Variants in FRY observed in about 807,000 individuals in gnomAD.
FRY encodes the protein protein furry homolog.
Under a neutral mutation model 348.4 loss-of-function variants are expected in FRY, and 128 were observed. The ratio of observed to expected loss-of-function variants is 0.37; its 90% CI spans 0.32 to 0.43. The LOEUF is 0.43. Among genes scored for constraint, FRY ranks in the 20% least tolerant of loss-of-function variants. The probability of loss-of-function intolerance (pLI) is 1.00; values close to 1 mark genes in which losing one functional copy is unlikely to be tolerated. For synonymous variants in FRY, 1,370 were observed against 1,374.7 expected (o/e 1.00, Z 0.08); for missense variants, 2,736 against 3,695.2 (o/e 0.74, Z 6.73).
chr13:32,245,150 A>G (rs1419266105), intron 47 of FRY, among the ~76,000 whole-genome samples: 2 of 151,960 alleles, frequency 1.3e-5, no homozygotes, highest in African/African-American at 2.4e-5. Context: ...GGGTTTCACC[A>G]TATTGGCCAG....
At chr13:32,198,924 T>G (rs1883846394) in intron 29 of FRY, among the ~76,000 whole-genome samples, 1 of 152,222 alleles carries the variant, frequency 6.6e-6, no homozygotes, top group South Asian at 2.1e-4. Flanking sequence ...GCATGACCTC[T>G]CTATGAATTT....
chr13:32,107,535 G>A (rs57193404), intron 3 of FRY, among the ~76,000 whole-genome samples: 2 of 152,282 alleles, frequency 1.3e-5, no homozygotes, highest in African/African-American at 4.8e-5. Flanking sequence ...AGGAATATGA[G>A]TTTTTTTCCA....
Position 32,227,844 on chromosome 13 carries a change from C to T in FRY, c.5207-612C>T, listed in dbSNP as rs1015620247. 1.3e-4 allele frequency among the ~76,000 whole-genome samples: 19 copies of T among 151,822 alleles called. No homozygotes were observed. The East Asian group carries it at 1.5e-3, about 12-fold the overall frequency. On this transcript the variant is annotated intron_variant, in intron 39 of 60. Coordinates refer to ENST00000542859, the MANE Select transcript of FRY (RefSeq NM_023037.3). ...TCAGCTCACTGCAAACTCCACCCAC[C>T]GGGTTCACGCCATTCTCCTGCCTCA...
At chr13:32,285,423 A>G (rs1482242075) in intron 58 of FRY, among the ~76,000 whole-genome samples, 1 of 152,240 alleles carries the variant, frequency 6.6e-6, no homozygotes, top group African/African-American at 2.4e-5. Context: ...ACGTTTAGGA[A>G]GAATCCTGAG....
chr13:32,214,472 C>T (rs11619077), intron 35 of FRY, among the ~76,000 whole-genome samples: 4,397 of 152,214 alleles, frequency 0.029, 98 homozygotes, highest in Middle Eastern at 0.044. Flanking sequence ...TTTTTTAGCT[C>T]ATCAGCTATT....
At chr13:32,067,886 A>C (rs1874361902) in intron 1 of FRY, among the ~76,000 whole-genome samples, 1 of 152,198 alleles carries the variant, frequency 6.6e-6, no homozygotes, top group African/African-American at 2.4e-5. Flanking sequence ...ATAGGCAGAT[A>C]AGATTAGAAA....
At chr13:32,071,656 G>A (rs555085635) in intron 1 of FRY, among the ~76,000 whole-genome samples, 25 of 152,046 alleles carry the variant, frequency 1.6e-4, no homozygotes, top group Admixed American at 3.3e-4. Context: ...ATGATTCCAC[G>A]TATATGCAGT....
At chr13:32,220,330 G>A (rs551811353) in intron 36 of FRY, among the ~76,000 whole-genome samples, 3 of 152,314 alleles carry the variant, frequency 2.0e-5, no homozygotes, top group African/African-American at 7.2e-5. Flanking sequence ...CTAATGGAAG[G>A]CGTGTCTAGA....
At chr13:32,166,285 A>G (rs1455490388) in intron 17 of FRY, among the ~76,000 whole-genome samples, 1 of 152,176 alleles carries the variant, frequency 6.6e-6, no homozygotes, top group East Asian at 1.9e-4. Flanking sequence ...CTCTCAAAGG[A>G]CAGTTTTTAA....
chr13:32,261,716 G>A lies in FRY; in HGVS notation c.7517G>A (p.Gly2506Glu). 6.2e-7 allele frequency: 1 copy of A among 1,614,072 alleles called. No homozygotes were observed. The highest frequency in any genetic ancestry group is 8.5e-7 in the Non-Finnish European group (1 of 1,179,944). ...ATTCTGGAGGAGCGCCAACTGTCAG[G>A]AAGCACTCCTAGCCTGAATAAAATG... ...MQILEERQLS[G>E]STPSLNKMHH... The change falls in exon 52 of 61, where the codon GGA (glycine) becomes GAA (glutamate). Residue 2506 changes from glycine (G) to glutamate (E), a missense_variant. Physicochemically the swap from Gly to Glu is moderately conservative, Grantham distance 98. Coordinates refer to ENST00000542859, the MANE Select transcript of FRY (RefSeq NM_023037.3).
At chr13:32,113,065 A>G (rs1403959252) in intron 3 of FRY, among the ~76,000 whole-genome samples, 2 of 152,204 alleles carry the variant, frequency 1.3e-5, no homozygotes, top group Non-Finnish European at 2.9e-5. Flanking sequence ...TTTCTATGAA[A>G]CTATTCTTAA....
chr13:32,124,252 G>A (rs746928025), intron 4 of FRY, 34 bp from the exon 5 acceptor site: 2 of 1,218,414 alleles, frequency 1.6e-6, no homozygotes, highest in East Asian at 4.7e-5. Flanking sequence ...AATACCTTCA[G>A]TGTGCTTTAA....
intron 1 of FRY, among the ~76,000 whole-genome samples, chr13:32,057,996 A>T (rs1020211527): frequency 1.3e-5 from 2 of 152,206 alleles, no homozygotes; most frequent in Non-Finnish European, 1.5e-5. Context: ...CCGTCTTGCC[A>T]TCAGGCCACA....
chr13:32,117,144 T>C (rs967347843), intron 3 of FRY, among the ~76,000 whole-genome samples, 190 bp from the exon 4 acceptor site: 4 of 152,200 alleles, frequency 2.6e-5, no homozygotes, highest in African/African-American at 7.2e-5. Context: ...ATTATTCTTA[T>C]ATGGGGAACA....
chr13:32,074,615 A>C (rs1282032839), intron 1 of FRY, among the ~76,000 whole-genome samples: 1 of 152,252 alleles, frequency 6.6e-6, no homozygotes, highest in Admixed American at 6.5e-5. Context: ...CACTTGAAAA[A>C]GACTAAGATG....
At chr13:32,069,555 G>A (rs533490234) in intron 1 of FRY, among the ~76,000 whole-genome samples, 1 of 152,212 alleles carries the variant, frequency 6.6e-6, no homozygotes, top group South Asian at 2.1e-4. Flanking sequence ...CAGCGAATGA[G>A]GAATGGATAC....
At chr13:32,092,875 A>G (rs1876420512) in intron 2 of FRY, among the ~76,000 whole-genome samples, 1 of 152,218 alleles carries the variant, frequency 6.6e-6, no homozygotes, top group Admixed American at 6.5e-5. Context: ...GAGAATTGCT[A>G]TTAGAATAAG....
At chr13:32,231,345 G>T (rs1885905543) in intron 41 of FRY, 45 bp downstream of exon 41, 6 of 1,592,696 alleles carry the variant, frequency 3.8e-6, no homozygotes, top group South Asian at 1.1e-5. Flanking sequence ...GCATTGTTCT[G>T]TAATGGACAC....
chr13:32,151,430 C>T (rs1269325740), intron 14 of FRY, among the ~76,000 whole-genome samples: 1 of 152,190 alleles, frequency 6.6e-6, no homozygotes, highest in Non-Finnish European at 1.5e-5. Context: ...ACCCATAACC[C>T]CACTCAAAAG....
Sources: gnomAD v4.1 joint callset for allele counts (sites outside exome capture counted in the v4.1 genomes callset) on GRCh38, gnomAD v4.1.1 for gene constraint, MANE v1.5 for transcripts, NCBI Gene and HGNC (gene_info 2026-07-23, HGNC 2026-07-21) for gene names.